Variants in CCDC91 observed in about 807,000 individuals in gnomAD.
CCDC91 encodes coiled-coil domain containing 91.
Under a neutral mutation model 63.2 loss-of-function variants are expected in CCDC91, and 48 were observed. The observed-to-expected ratio is 0.76, with a 90% CI of 0.60 to 0.97. CCDC91 has a LOEUF of 0.97. CCDC91 is among the 50% of genes least tolerant of loss of function. The pLI, the probability that CCDC91 is intolerant of heterozygous loss-of-function variation, is 0.00. For synonymous variants in CCDC91, 167 were observed against 165.8 expected (o/e 1.01, Z -0.06); for missense variants, 500 against 494.6 (o/e 1.01, Z -0.10).
At chr12:28,511,828 C>T (rs1009799530) in intron 12 of CCDC91, among the ~76,000 whole-genome samples, 4 of 151,800 alleles carry the variant, frequency 2.6e-5, no homozygotes, top group Non-Finnish European at 4.4e-5. Flanking sequence ...CTTCTGTTTC[C>T]ACCATAACCG....
chr12:28,501,267 G>A (rs1406461994), intron 12 of CCDC91, among the ~76,000 whole-genome samples: 1 of 151,882 alleles, frequency 6.6e-6, no homozygotes, highest in Non-Finnish European at 1.5e-5. Flanking sequence ...GTGAGAGAGG[G>A]CATCCATGTC....
intron 1 of CCDC91, among the ~76,000 whole-genome samples, chr12:28,256,539 A>T (rs778017403): frequency 6.6e-6 from 1 of 151,996 alleles, no homozygotes; most frequent in African/African-American, 2.4e-5. Context: ...TCTCTCTTAC[A>T]TACTTTAAGA....
intron 12 of CCDC91, among the ~76,000 whole-genome samples, chr12:28,486,266 C>T (rs528612410): frequency 2.6e-5 from 4 of 152,232 alleles, no homozygotes; most frequent in South Asian, 2.1e-4. Context: ...TTTCACTTAG[C>T]GTAATGCCCT....
At chr12:28,270,500 A>G (rs1947689747) in intron 3 of CCDC91, among the ~76,000 whole-genome samples, 1 of 152,148 alleles carries the variant, frequency 6.6e-6, no homozygotes. Flanking sequence ...TTTGATTATT[A>G]AGAAATGCTT....
intron 1 of CCDC91, 126 bp from the exon 2 acceptor site, chr12:28,257,076 T>TA: frequency 3.6e-6 from 2 of 550,668 alleles, no homozygotes; most frequent in Non-Finnish European, 6.3e-6. Flanking sequence ...CTTTTTTGCA[T>TA]AAAAAATGCA....
intron 7 of CCDC91, among the ~76,000 whole-genome samples, chr12:28,375,447 C>G (rs1944888119): frequency 6.6e-6 from 1 of 151,768 alleles, no homozygotes; most frequent in African/African-American, 2.4e-5. Context: ...ATCTCTTCAC[C>G]TTCTTGGGCT....
intron 12 of CCDC91, among the ~76,000 whole-genome samples, chr12:28,495,860 T>G (rs975420578): frequency 1.3e-5 from 2 of 151,666 alleles, no homozygotes; most frequent in African/African-American, 4.8e-5. Flanking sequence ...GTCACTTTAT[T>G]TCAAGTGGCT....
intron 6 of CCDC91, among the ~76,000 whole-genome samples, chr12:28,335,166 A>G: frequency 7.2e-6 from 1 of 139,154 alleles, no homozygotes; most frequent in East Asian, 2.0e-4. Flanking sequence ...TATATTAAAT[A>G]TAATGTTTAT....
At chr12:28,208,967 A>AT (rs879802005) in intron 1 of CCDC91, among the ~76,000 whole-genome samples, 81 of 145,278 alleles carry the variant, frequency 5.6e-4, no homozygotes, top group South Asian at 1.5e-3. Context: ...TGCCCGGCTA[A>AT]TTTTTTTTTT....
At chr12:28,368,043 C>G (rs1944386755) in intron 7 of CCDC91, among the ~76,000 whole-genome samples, 1 of 152,152 alleles carries the variant, frequency 6.6e-6, no homozygotes, top group Non-Finnish European at 1.5e-5. Context: ...TCACATGAGC[C>G]AATCCCTTAG....
At chr12:28,520,734 G>A (rs903554296) in intron 12 of CCDC91, among the ~76,000 whole-genome samples, 2 of 152,094 alleles carry the variant, frequency 1.3e-5, no homozygotes, top group African/African-American at 4.8e-5. Context: ...AATCTATCTT[G>A]AATTAATTTT....
intron 7 of CCDC91, among the ~76,000 whole-genome samples, chr12:28,386,188 A>G (rs951279489): frequency 1.7e-4 from 26 of 152,280 alleles, no homozygotes; most frequent in African/African-American, 6.0e-4. Flanking sequence ...GAACTTTTCA[A>G]TAAATATTGG....
intron 8 of CCDC91, among the ~76,000 whole-genome samples, chr12:28,417,305 C>T (rs368058182): frequency 6.6e-6 from 1 of 151,944 alleles, no homozygotes; most frequent in East Asian, 1.9e-4. Context: ...AAAGTACAGT[C>T]CTGTAAATTT....
intron 1 of CCDC91, among the ~76,000 whole-genome samples, chr12:28,247,981 T>A (rs1054194470): frequency 1.3e-5 from 2 of 152,144 alleles, no homozygotes; most frequent in African/African-American, 4.8e-5. Context: ...CAGGTGGTAA[T>A]GCTTACTTGC....
chr12:28,446,093 C>A (rs1321779684), intron 8 of CCDC91, among the ~76,000 whole-genome samples: 1 of 152,150 alleles, frequency 6.6e-6, no homozygotes, highest in Non-Finnish European at 1.5e-5. Context: ...AAACCAAAGA[C>A]CATTACTGAG....
intron 1 of CCDC91, among the ~76,000 whole-genome samples, chr12:28,192,871 A>G (rs937843268): frequency 1.3e-5 from 2 of 149,460 alleles, no homozygotes; most frequent in Non-Finnish European, 3.0e-5. Flanking sequence ...CACAATCCAG[A>G]CAAATAATAT....
At chr12:28,363,568 T>C (rs1400899179) in intron 7 of CCDC91, among the ~76,000 whole-genome samples, 2 of 152,216 alleles carry the variant, frequency 1.3e-5, no homozygotes, top group Admixed American at 1.3e-4. Context: ...TTTTAGTTGA[T>C]AATTTAGTGT....
intron 1 of CCDC91, chr12:28,226,090 C>T (rs2135742275): frequency 6.6e-6 from 1 of 152,208 alleles, no homozygotes; most frequent in African/African-American, 2.4e-5. Context: ...AGTTATACAT[C>T]TCCTTATTGA....
At chr12:28,431,916 C>G (rs1206221076) in intron 8 of CCDC91, among the ~76,000 whole-genome samples, 2 of 152,040 alleles carry the variant, frequency 1.3e-5, no homozygotes, top group Non-Finnish European at 2.9e-5. Flanking sequence ...CAATCCCTGA[C>G]ACTGATCTTT....
Sources: allele counts gnomAD v4.1 joint callset (sites outside exome capture counted in the v4.1 genomes callset), GRCh38; gene constraint gnomAD v4.1.1; transcripts MANE v1.5; gene names NCBI Gene and HGNC (gene_info 2026-07-23, HGNC 2026-07-21).